Variants in CHODL observed in about 807,000 individuals in gnomAD.
The protein encoded by CHODL is chondrolectin.
In CHODL, 29 loss-of-function variants were observed where a neutral mutation model predicts 34.5. The observed-to-expected ratio is 0.84, with a 90% CI of 0.63 to 1.15. The LOEUF is 1.15. CHODL is among the 50% of genes most tolerant of loss of function. CHODL has a pLI of 0.00. For missense variants in CHODL, 332 were observed against 332.5 expected, an observed-to-expected ratio of 1.00 and a Z score of 0.01; for synonymous variants, 125 against 116.1, an observed-to-expected ratio of 1.08 and a Z score of -0.49.
chr21:17,924,107 G>A (rs2063205227), intron 1 of CHODL, among the ~76,000 whole-genome samples: 1 of 152,232 alleles, frequency 6.6e-6, no homozygotes, highest in South Asian at 2.1e-4. Context: ...GCTGTGGCTG[G>A]AGGTGCCTCT....
At chr21:18,055,140 AT>A (rs1471199422) in intron 2 of CHODL, among the ~76,000 whole-genome samples, 1 of 151,834 alleles carries the variant, frequency 6.6e-6, no homozygotes, top group Non-Finnish European at 1.5e-5. Context: ...CCATCCTTCC[AT>A]TTTACTCACG....
intron 1 of CHODL, among the ~76,000 whole-genome samples, chr21:18,252,421 CAGA>C (rs1004973836): frequency 2.0e-5 from 3 of 152,064 alleles, no homozygotes; most frequent in African/African-American, 7.2e-5. Context: ...AAGTTGCTTC[CAGA>C]AGATCTGCAT....
intron 2 of CHODL, among the ~76,000 whole-genome samples, chr21:18,040,288 C>G (rs1206247738): frequency 2.6e-5 from 4 of 151,832 alleles, no homozygotes; most frequent in African/African-American, 9.7e-5. Context: ...CAGCTCTTAT[C>G]CCTTCACTCT....
chr21:17,927,104 GTATGTATATATGTATA>G (rs1271489436), intron 1 of CHODL, among the ~76,000 whole-genome samples: 1 of 137,550 alleles, frequency 7.3e-6, no homozygotes, highest in African/African-American at 3.2e-5. Context: ...ATATCTGTGT[GTATGTATATATGTATA>G]TATGTATATA....
At chr21:18,245,821 G>A in intron 1 of CHODL, 1 of 1,147,756 alleles carries the variant, frequency 8.7e-7, no homozygotes, top group Non-Finnish European at 1.2e-6. Flanking sequence ...GTTCTCAGCA[G>A]GACTACTGGC....
intron 2 of CHODL, among the ~76,000 whole-genome samples, chr21:18,213,927 G>A (rs950480441): frequency 1.3e-5 from 2 of 151,992 alleles, no homozygotes; most frequent in Non-Finnish European, 2.9e-5. Flanking sequence ...TGGGAAGGAG[G>A]GAAAGACCCT....
At chr21:17,963,297 A>G (rs898590075) in intron 1 of CHODL, among the ~76,000 whole-genome samples, 5 of 152,156 alleles carry the variant, frequency 3.3e-5, no homozygotes, top group African/African-American at 9.7e-5. Context: ...GAAAAATGTT[A>G]GATTGGAAAA....
chr21:18,173,643 T>C (rs1405774537), intron 2 of CHODL, among the ~76,000 whole-genome samples: 2 of 152,168 alleles, frequency 1.3e-5, no homozygotes, highest in Non-Finnish European at 2.9e-5. Flanking sequence ...TTTGCTGCTT[T>C]AATTCTGCTC....
chr21:18,188,156 C>A (rs763405794), intron 2 of CHODL, among the ~76,000 whole-genome samples: 2 of 151,856 alleles, frequency 1.3e-5, no homozygotes, highest in African/African-American at 2.4e-5. Context: ...GATTTCATCA[C>A]AATACCCTAA....
At chr21:18,111,342 A>G (rs914789722) in intron 2 of CHODL, among the ~76,000 whole-genome samples, 3 of 152,170 alleles carry the variant, frequency 2.0e-5, no homozygotes, top group African/African-American at 7.2e-5. Context: ...ACCTCATATC[A>G]TCATAGAGAA....
chr21:17,970,508 T>G (rs1600844192), intron 1 of CHODL, among the ~76,000 whole-genome samples: 1 of 152,334 alleles, frequency 6.6e-6, no homozygotes, highest in South Asian at 2.1e-4. Context: ...AGAATATTAC[T>G]CCACCTAGAC....
chr21:18,266,536 A>G lies in CHODL; in HGVS notation c.*498A>G, dbSNP rs142752049. ...CATGCTCTTTTGATTAAAGAAACTT[A>G]TTACTGTTGTCAACTGAATTCACAC... is the stretch of plus-strand genomic sequence containing the variant. On this transcript the variant is annotated 3_prime_UTR_variant, in exon 6 of 6. Coordinates refer to ENST00000299295, the MANE Select transcript of CHODL (RefSeq NM_024944.3). The G allele has an allele frequency of 8.1e-6, 1 of 123,776 alleles. No homozygotes were observed. Among genetic ancestry groups the G allele is most frequent in the South Asian group, 2.2e-4 (1 of 4,598 alleles). The allele number at this position is 123,776 out of a possible 1,614,324, so 7.7% of individuals were successfully genotyped here.
At chr21:18,167,453 G>A (rs531058311) in intron 2 of CHODL, among the ~76,000 whole-genome samples, 12 of 151,788 alleles carry the variant, frequency 7.9e-5, no homozygotes, top group African/African-American at 2.2e-4. Flanking sequence ...GGGACTACAG[G>A]CGACCACCAC....
intron 1 of CHODL, among the ~76,000 whole-genome samples, chr21:17,948,824 A>T (rs1568812357): frequency 6.6e-6 from 1 of 152,288 alleles, no homozygotes; most frequent in East Asian, 1.9e-4. Context: ...TCTAATAAAC[A>T]TTTAAAGAGG....
chr21:18,265,918 T>G (rs543751761), intron 5 of CHODL, 36 bp from the exon 6 acceptor site: 1 of 1,575,590 alleles, frequency 6.3e-7, no homozygotes, highest in African/African-American at 1.4e-5. Flanking sequence ...TAATAAGAAA[T>G]TTTAGGCACT....
intron 1 of CHODL, among the ~76,000 whole-genome samples, chr21:17,962,014 C>CT (rs2063535565): frequency 1.3e-5 from 2 of 152,180 alleles, no homozygotes; most frequent in South Asian, 4.1e-4. Flanking sequence ...AGAGAAGTTT[C>CT]TAAGAATTTT....
intron 1 of CHODL, among the ~76,000 whole-genome samples, chr21:18,253,114 TA>T (rs1299676621): frequency 1.3e-5 from 2 of 152,148 alleles, no homozygotes; most frequent in Non-Finnish European, 2.9e-5. Context: ...AGTACTATCT[TA>T]ATTTTATGAG....
At chr21:17,949,162 C>G (rs780241111) in intron 1 of CHODL, among the ~76,000 whole-genome samples, 1 of 152,142 alleles carries the variant, frequency 6.6e-6, no homozygotes, top group Non-Finnish European at 1.5e-5. Context: ...GCTACCCAGT[C>G]TTCATGTCCT....
intron 2 of CHODL, chr21:18,134,283 C>CT (rs2072693812): frequency 3.9e-6 from 2 of 512,176 alleles, no homozygotes; most frequent in African/African-American, 3.9e-5. Flanking sequence ...TGGATGATCT[C>CT]TTTTGCCACT....
Sources: allele counts gnomAD v4.1 joint callset (sites outside exome capture counted in the v4.1 genomes callset), GRCh38; gene constraint gnomAD v4.1.1; transcripts MANE v1.5; gene names NCBI Gene and HGNC (gene_info 2026-07-23, HGNC 2026-07-21).